Variants in DGKD observed in about 807,000 individuals in gnomAD.
The protein encoded by DGKD is diacylglycerol kinase delta.
Under a neutral mutation model 154.4 loss-of-function variants are expected in DGKD, and 68 were observed. That is an observed-to-expected ratio of 0.44 (90% CI 0.36 to 0.54). The LOEUF (loss-of-function observed/expected upper bound fraction) is 0.54, where lower values mean the gene tolerates loss of function less well. DGKD is among the 20% of genes least tolerant of loss of function. The pLI is 0.00. For missense variants in DGKD, 1,343 were observed against 1,593.6 expected (o/e 0.84, Z 2.68); for synonymous variants, 693 against 638.0 (o/e 1.09, Z -1.30).
At chr2:233,382,917 T>G (rs776183177) in intron 1 of DGKD, among the ~76,000 whole-genome samples, 1 of 152,174 alleles carries the variant, frequency 6.6e-6, no homozygotes, top group Non-Finnish European at 1.5e-5. Context: ...TAAGCATCCT[T>G]TGGGGCTTAG....
chr2:233,383,034 T>C (rs1367424730), intron 1 of DGKD, among the ~76,000 whole-genome samples: 7 of 151,274 alleles, frequency 4.6e-5, no homozygotes, highest in African/African-American at 7.3e-5. Flanking sequence ...CTTTTTTTCT[T>C]TCTTTCTTTC....
chr2:233,430,242 G>A lies in DGKD; in HGVS notation c.349-4138G>A, dbSNP rs1055375030. 4.3e-4 allele frequency among the ~76,000 whole-genome samples: 66 copies of A among 152,304 alleles called. 3 individuals are homozygous for A. Among genetic ancestry groups the A allele is most frequent in the South Asian group, 2.1e-4 (1 of 4,824 alleles). On this transcript the variant is annotated intron_variant, in intron 3 of 29. Coordinates refer to ENST00000264057, the MANE Select transcript of DGKD (RefSeq NM_152879.3). ...TCTACTTCTAGGAATTTACCCCAGA[G>A]ATACACTGGTAAAAACAGGAAAAGA...
At position 233,463,453 on chromosome 2, in the gene DGKD, A is replaced by G. The variant is rs1331423833; in HGVS notation, c.3187-711A>G. ...ATCTCCTCACTCCACGCATCTCCTCACTCCACGCATGTCCTCACTGCACGC... is the reference window on the plus strand; with the variant it reads ...ATCTCCTCACTCCACGCATCTCCTCGCTCCACGCATGTCCTCACTGCACGC... On this transcript the variant is annotated intron_variant, in intron 26 of 29. Coordinates refer to ENST00000264057, the MANE Select transcript of DGKD (RefSeq NM_152879.3). Among the ~76,000 whole-genome samples, 83 of 107,760 alleles carry G rather than the reference A, an allele frequency of 7.7e-4. 4 individuals are homozygous for G. Among genetic ancestry groups the G allele is most frequent in the African/African-American group, 3.5e-3 (79 of 22,740 alleles). The allele number at this position is 107,760 out of a possible 152,430, so 70.7% of individuals were successfully genotyped here. A position where few individuals can be genotyped will look rare whatever the true frequency, so the allele number is the denominator to read the frequency against.
intron 16 of DGKD, 132 bp from the exon 17 acceptor site, chr2:233,450,790 C>T (rs1436077995): frequency 2.6e-6 from 3 of 1,174,344 alleles, no homozygotes; most frequent in Non-Finnish European, 3.6e-6. Flanking sequence ...GTCCCACACA[C>T]TTCACGCAAC....
chr2:233,451,076 T>C, intron 17 of DGKD, 26 bp downstream of exon 17: 2 of 1,590,936 alleles, frequency 1.3e-6, no homozygotes, highest in Non-Finnish European at 1.7e-6. Context: ...CAGGAGGGAC[T>C]GGTGGGGGCC....
intron 3 of DGKD, among the ~76,000 whole-genome samples, chr2:233,398,337 G>T (rs915278185): frequency 6.6e-6 from 1 of 151,856 alleles, no homozygotes; most frequent in Non-Finnish European, 1.5e-5. Context: ...AGTAGAGACG[G>T]GGTTTCACAG....
intron 27 of DGKD, among the ~76,000 whole-genome samples, chr2:233,466,753 G>T (rs1038875652): frequency 7.9e-5 from 12 of 152,232 alleles, no homozygotes; most frequent in African/African-American, 1.9e-4. Context: ...ATTGGCTAAA[G>T]AGGTTATTTT....
intron 1 of DGKD, among the ~76,000 whole-genome samples, chr2:233,363,442 A>G (rs955043643): frequency 5.9e-5 from 9 of 152,204 alleles, no homozygotes; most frequent in Admixed American, 2.6e-4. Flanking sequence ...TGTTACTACA[A>G]AAGAGTAAAA....
intron 4 of DGKD, 26 bp downstream of exon 4, chr2:233,434,510 A>G: frequency 6.2e-7 from 1 of 1,603,316 alleles, no homozygotes; most frequent in South Asian, 1.1e-5. Flanking sequence ...ACCCTTCTCC[A>G]AATGCCTCCT....
intron 1 of DGKD, among the ~76,000 whole-genome samples, chr2:233,368,237 G>A (rs571033314): frequency 3.8e-4 from 58 of 152,050 alleles, no homozygotes; most frequent in Non-Finnish European, 6.3e-4. Flanking sequence ...GGCCAGGCGC[G>A]GTGGCTCATG....
intron 27 of DGKD, among the ~76,000 whole-genome samples, chr2:233,466,818 C>T (rs557145085): frequency 6.6e-6 from 1 of 152,316 alleles, no homozygotes; most frequent in East Asian, 1.9e-4. Flanking sequence ...GTTTTTAAAT[C>T]TCATGAGAAA....
chr2:233,442,155 G>A (rs1193994858), intron 10 of DGKD, 160 bp downstream of exon 10: 2 of 759,130 alleles, frequency 2.6e-6, no homozygotes, highest in African/African-American at 1.7e-5. Flanking sequence ...AGGGCAGAGA[G>A]GGGAGAGCCT....
chr2:233,450,518 C>T (rs1207220257), intron 16 of DGKD, among the ~76,000 whole-genome samples: 6 of 152,160 alleles, frequency 3.9e-5, no homozygotes, highest in Admixed American at 2.6e-4. Context: ...CTTGCCCCTC[C>T]TGGAACAGCC....
chr2:233,394,731 A>T (rs1265148928), intron 3 of DGKD, among the ~76,000 whole-genome samples: 11 of 76,444 alleles, frequency 1.4e-4, no homozygotes, highest in East Asian at 9.4e-4. Flanking sequence ...TTTTAGAGAT[A>T]GGCTCTTGCT....
chr2:233,438,388 C>T lies in DGKD; in HGVS notation c.1085+9C>T. On this transcript the variant is annotated intron_variant, in intron 9 of 29. Coordinates refer to ENST00000264057, the MANE Select transcript of DGKD (RefSeq NM_152879.3). This position sits in a 1 kb window ranked among gnomAD's most constrained non-coding sequence, Gnocchi z 4.1. Reference sequence around the variant, plus strand: ...GGAGGCCCACACCTCGGGTAGGAAGCTTGTAAAATATATCTTTCTTGGAGT... The same window carrying T: ...GGAGGCCCACACCTCGGGTAGGAAGTTTGTAAAATATATCTTTCTTGGAGT... 1 of 1,600,782 alleles carries T rather than the reference C, an allele frequency of 6.2e-7. No individual in the cohort carries two copies. Among genetic ancestry groups the T allele is most frequent in the Non-Finnish European group, 8.5e-7 (1 of 1,172,256 alleles).
At chr2:233,405,094 T>A (rs773160326) in intron 3 of DGKD, among the ~76,000 whole-genome samples, 7 of 152,186 alleles carry the variant, frequency 4.6e-5, no homozygotes, top group Non-Finnish European at 1.0e-4. Flanking sequence ...AAATAAAGGG[T>A]GTTTTTATTA....
intron 14 of DGKD, 130 bp downstream of exon 14, chr2:233,448,505 C>T (rs867730576): frequency 1.3e-6 from 1 of 766,380 alleles, no homozygotes; most frequent in South Asian, 1.8e-5. Context: ...ACAAAACGCA[C>T]AGTAAAGGAA....
At chr2:233,448,058 A>T in intron 12 of DGKD, 29 bp from the exon 13 acceptor site, 1 of 1,613,432 alleles carries the variant, frequency 6.2e-7, no homozygotes, top group Non-Finnish European at 8.5e-7. Flanking sequence ...ACAGAGACCA[A>T]CAGTCCTGGC....
At chr2:233,468,695 T>G (rs1028614022) in intron 29 of DGKD, 142 bp downstream of exon 29, 4 of 1,332,938 alleles carry the variant, frequency 3.0e-6, no homozygotes, top group Non-Finnish European at 4.0e-6. Flanking sequence ...TGGGGGCGGC[T>G]GTGGCCCTCA....
Sources: allele counts gnomAD v4.1 joint callset (sites outside exome capture counted in the v4.1 genomes callset), GRCh38; gene constraint gnomAD v4.1.1; non-coding constraint Gnocchi (gnomAD v3.1); transcripts MANE v1.5; gene names NCBI Gene and HGNC (gene_info 2026-07-23, HGNC 2026-07-21).